The following VWF variants were observed in gnomAD, a reference collection of about 807,000 sequenced individuals.
The protein encoded by VWF is von Willebrand factor.
VWF carries 176 observed loss-of-function variants against 308.6 expected under a neutral mutation model. The observed-to-expected ratio is 0.57, with a 90% CI of 0.50 to 0.65. The LOEUF (loss-of-function observed/expected upper bound fraction) is 0.65. Ranked by LOEUF, VWF falls within the 30% of genes least tolerant of loss-of-function variation. The probability of loss-of-function intolerance (pLI) is 0.00; values close to 1 mark genes in which losing one functional copy is unlikely to be tolerated. For synonymous variants in VWF, 1,385 were observed against 1,443.4 expected (o/e 0.96, Z 0.92); for missense variants, 3,146 against 3,648.2 (o/e 0.86, Z 3.55).
intron 13 of VWF, among the ~76,000 whole-genome samples, chr12:6,062,460 G>T (rs571843663): frequency 7.0e-6 from 1 of 143,826 alleles, no homozygotes; most frequent in East Asian, 2.0e-4. Context: ...GCTATCCAGT[G>T]TGATTCCAGG....
In VWF at chr12:5,949,706, T is replaced by G. The variant is rs1158010495; in HGVS notation, c.8253+80A>C. 1.0e-5 allele frequency: 14 copies of G among 1,391,060 alleles called. No individual in the cohort carries two copies. In the Admixed American group the frequency reaches 1.0e-4, roughly 10 times the overall value. The allele number at this position is 1,391,060 out of a possible 1,614,324, so 86.2% of individuals were successfully genotyped here. A position where few individuals can be genotyped will look rare whatever the true frequency, so the allele number is the denominator to read the frequency against. On this transcript the variant is annotated intron_variant, in intron 51 of 51. Coordinates refer to ENST00000261405, the MANE Select transcript of VWF (RefSeq NM_000552.5). ...TCCCTGCGAATTTTCCAGATCCTTC[T>G]AGAATGTAACTAAGGATAGGTATCC...
rs1200021484 is a variant in VWF at position 5,984,964 on chromosome 12, G to C, written c.6976+81C>G. The C allele has an allele frequency of 1.4e-6, 2 of 1,439,522 alleles. No homozygotes were observed. Among genetic ancestry groups the C allele is most frequent in the Non-Finnish European group, 2.0e-6 (2 of 1,021,200 alleles). 89.2% of individuals were successfully genotyped at this position (1,439,522 alleles called of 1,614,324 possible). A position where few individuals can be genotyped will look rare whatever the true frequency, so the allele number is the denominator to read the frequency against. On this transcript the variant is annotated intron_variant, in intron 40 of 51. Transcript: ENST00000261405. ...CACACACCCTGTGCCTGAGAACAGA[G>C]ACACCTTTCAGCACCTTCAACGTGG...
chr12:6,008,273 A>C (rs567304983), intron 34 of VWF, among the ~76,000 whole-genome samples: 137 of 152,298 alleles, frequency 9.0e-4, no homozygotes, highest in Middle Eastern at 3.4e-3. Flanking sequence ...AATTCTCAAC[A>C]AAATGACAGC....
chr12:5,994,171 T>C lies in VWF; in HGVS notation c.6289A>G (p.Met2097Val), dbSNP rs1474078813. 1.2e-6 allele frequency: 2 copies of C among 1,614,116 alleles called. No individual in the cohort carries two copies. The highest frequency in any genetic ancestry group is 1.7e-6 in the Non-Finnish European group (2 of 1,180,030). ...GTGGTGACTGTGCCATCCCTCAGCA[T>C]GAAGTCATTGGCTCCGTTCTCATCA... is the stretch of plus-strand genomic sequence containing the variant. ...ICDENGANDF[M>V]LRDGTVTTDW... The change falls in exon 37 of 52, where the codon ATG becomes GTG. Residue 2097 changes from methionine (M) to valine (V), a missense_variant. Coordinates refer to ENST00000261405, the MANE Select transcript of VWF (RefSeq NM_000552.5).
rs1002720658 is a variant in VWF at position 6,072,343 on chromosome 12, T to C, written c.1097A>G (p.Asp366Gly). 1.9e-6 allele frequency: 3 copies of C among 1,613,930 alleles called. No individual in the cohort carries two copies. The highest frequency in any genetic ancestry group is 3.3e-5 in the Admixed American group (2 of 60,020). Residue 366 changes from aspartate to glycine, a missense_variant, in exon 9 of 52, where the codon GAC becomes GGC. Asp to Gly is a moderately conservative substitution (Grantham distance 94). Coordinates refer to ENST00000261405, the MANE Select transcript of VWF (RefSeq NM_000552.5). The part of the protein sequence containing the change: ...RYPPGTSLSR[D>G]CNTCICRNSQ... ...CAGCCCCCATTACCAGGTGTTGCAGTCTCGAGAGAGGGAGGTGCCGGGAGG... is the reference window on the plus strand; with the variant it reads ...CAGCCCCCATTACCAGGTGTTGCAGCCTCGAGAGAGGGAGGTGCCGGGAGG...
At position 6,060,222 on chromosome 12, in the gene VWF, A is replaced by G. The variant is rs1333654661; in HGVS notation, c.1534-2178T>C. Among the ~76,000 whole-genome samples, 2 of 151,774 alleles carry G rather than the reference A, an allele frequency of 1.3e-5. No individual in the cohort carries two copies. Among genetic ancestry groups the G allele is most frequent in the African/African-American group, 4.8e-5 (2 of 41,282 alleles). ...AAGCCTGTGCAAGGATCTTTTCCACACTGCTATGCCTAAGGCAGAGCTGGG... is the reference window on the plus strand; with the variant it reads ...AAGCCTGTGCAAGGATCTTTTCCACGCTGCTATGCCTAAGGCAGAGCTGGG... On this transcript the variant is annotated intron_variant, in intron 13 of 51. Coordinates refer to ENST00000261405, the MANE Select transcript of VWF (RefSeq NM_000552.5). The surrounding 1 kb of genome is among the most constrained non-coding windows in gnomAD (Gnocchi z 5.1).
At chr12:6,092,028 A>G (rs2239139) in intron 6 of VWF, among the ~76,000 whole-genome samples, 115,250 of 152,180 alleles carry the variant, frequency 0.76, 44,350 homozygotes, top group African/African-American at 0.91. Flanking sequence ...AGAGTGGCCC[A>G]TGCCCAGACA....
rs754245049 is a variant in VWF at position 5,968,119 on chromosome 12, C to T, written c.7770+8G>A. ...CCACTTGCTCTGGAGAAGAGGACAG[C>T]GGCTCACCCCAATGACAGTGCCATT... On this transcript the variant is annotated splice_region_variant and intron_variant, in intron 46 of 51. Coordinates refer to ENST00000261405, the MANE Select transcript of VWF (RefSeq NM_000552.5). 8 of 1,614,060 alleles carry T rather than the reference C, an allele frequency of 5.0e-6. No homozygotes were observed. The highest frequency in any genetic ancestry group is 4.0e-5 in the African/African-American group (3 of 75,052).
intron 40 of VWF, among the ~76,000 whole-genome samples, chr12:5,984,519 C>T (rs1943655965): frequency 6.6e-6 from 1 of 152,254 alleles, no homozygotes; most frequent in South Asian, 2.1e-4. Flanking sequence ...AAGCAATAAA[C>T]ACACTGGACA....
chr12:6,057,895 G>A lies in VWF; in HGVS notation c.1683C>T (p.Asp561=), dbSNP rs1944607026. The stretch of plus-strand genomic sequence containing the variant: ...AGGGATCGCTGTGCTGCTTCTGCAG[G>A]TCCTGGCAGTCCCCGTGCAGCTTCC... ...NAWKLHGDCQ[D]LQKQHSDPCA... is the part of the protein sequence containing the mutation. The change falls in exon 14 of 52, where the codon GAC becomes GAT. Residue 561 remains aspartate, a synonymous_variant. Transcript: ENST00000261405. The A allele has an allele frequency of 1.9e-6, 3 of 1,612,430 alleles. No homozygotes were observed. Among genetic ancestry groups the A allele is most frequent in the Admixed American group, 1.7e-5 (1 of 59,916 alleles).
intron 6 of VWF, among the ~76,000 whole-genome samples, chr12:6,077,831 G>A (rs1944863706): frequency 6.6e-6 from 1 of 151,894 alleles, no homozygotes; most frequent in Admixed American, 6.5e-5. Flanking sequence ...GACTGACAGA[G>A]GTGGGCAGGC....
chr12:6,025,503 G>A, intron 24 of VWF, 77 bp downstream of exon 24: 1 of 1,163,062 alleles, frequency 8.6e-7, no homozygotes, highest in African/African-American at 1.5e-5. Flanking sequence ...GTCCACGTTA[G>A]AAGGTCACAC....
chr12:6,121,767 C>T (rs902006155), intron 2 of VWF, among the ~76,000 whole-genome samples: 9 of 152,012 alleles, frequency 5.9e-5, no homozygotes, highest in Admixed American at 1.3e-4. Flanking sequence ...CCTGTCTCTA[C>T]TAAAAATACA....
Position 5,952,406 on chromosome 12 carries a change from CT to C in VWF, c.8099del (p.Lys2700SerfsTer10). Reference sequence around the variant, plus strand: ...GAGTACTCACTCCCTCAGCCAGACACTTGTGTTCATCAAAGGGTGGGCAGCC... The same window carrying C: ...GAGTACTCACTCCCTCAGCCAGACACTGTGTTCATCAAAGGGTGGGCAGCC... ...VTGCPPFDEHKCLAEGGKIMK... is the reference protein window; with the variant it reads ...VTGCPPFDEHXCLAEGGKIMK... On this transcript the variant is annotated frameshift_variant, in exon 49 of 52. Transcript: ENST00000261405. LOFTEE classifies it high-confidence loss of function. 1.2e-6 allele frequency: 2 copies of C among 1,614,056 alleles called. No individual in the cohort carries two copies. Among genetic ancestry groups the C allele is most frequent in the South Asian group, 1.1e-5 (1 of 91,088 alleles).
Position 6,011,710 on chromosome 12 carries a change from C to T in VWF, c.5749G>A (p.Val1917Ile). 1 of 1,613,898 alleles carries T rather than the reference C, an allele frequency of 6.2e-7. No individual in the cohort carries two copies. Among genetic ancestry groups the T allele is most frequent in the Non-Finnish European group, 8.5e-7 (1 of 1,179,852 alleles). Residue 1917 changes from valine to isoleucine, a missense_variant, in exon 34 of 52, where the codon GTC becomes ATC. This residue lies in a region of VWF where 853 missense variants were observed against 1,177.8 expected (regional missense o/e 0.72). Coordinates refer to ENST00000261405, the MANE Select transcript of VWF (RefSeq NM_000552.5). ...DGQTLLKSHR[V>I]NCDRGLRPSC... The stretch of plus-strand genomic sequence containing the variant: ...GGCCTCAGCCCCCGGTCACAGTTGA[C>T]CCGATGACTCTTCAGCAAGGTCTGG...
chr12:5,977,674 G>A (rs567507411), intron 42 of VWF, among the ~76,000 whole-genome samples: 159 of 151,934 alleles, frequency 1.0e-3, no homozygotes, highest in African/African-American at 3.3e-3. Flanking sequence ...GCTCCAGACC[G>A]GCATGGGTAA....
chr12:6,109,599 A>G (rs1945282335), intron 5 of VWF, among the ~76,000 whole-genome samples: 2 of 152,226 alleles, frequency 1.3e-5, no homozygotes, highest in South Asian at 4.1e-4. Context: ...GAACATCACT[A>G]ATTGAATGTT....
chr12:6,020,522 C>T lies in VWF; in HGVS notation c.3675-779G>A, dbSNP rs1430813006. ...TCTGTAGTAGAGCAGTGGCCCCCCA[C>T]ACACAAATTCCTACACTACCATGCC... On this transcript the variant is annotated intron_variant, in intron 27 of 51. Coordinates refer to ENST00000261405, the MANE Select transcript of VWF (RefSeq NM_000552.5). The surrounding 1 kb of genome is among the most constrained non-coding windows in gnomAD (Gnocchi z 4.3). Among the ~76,000 whole-genome samples the T allele has an allele frequency of 1.3e-5, 2 of 152,268 alleles. No homozygotes were observed. Among genetic ancestry groups the T allele is most frequent in the African/African-American group, 2.4e-5 (1 of 41,472 alleles).
At position 5,986,174 on chromosome 12, in the gene VWF, C is replaced by A. The variant is rs150603020; in HGVS notation, c.6799-509G>T. ...TTTTCAAATGGGAGACGGCCCAGGGCAGAGAGCAGCCTTCTCGAAGGTACA... is the reference window on the plus strand; with the variant it reads ...TTTTCAAATGGGAGACGGCCCAGGGAAGAGAGCAGCCTTCTCGAAGGTACA... On this transcript the variant is annotated intron_variant, in intron 38 of 51. Coordinates refer to ENST00000261405, the MANE Select transcript of VWF (RefSeq NM_000552.5). Among the ~76,000 whole-genome samples, 1,388 of 152,296 alleles carry A rather than the reference C, an allele frequency of 9.1e-3. 23 individuals are homozygous for A. The highest frequency in any genetic ancestry group is 0.032 in the African/African-American group (1,327 of 41,562).
Sources: allele counts gnomAD v4.1 joint callset (sites outside exome capture counted in the v4.1 genomes callset), GRCh38; gene constraint gnomAD v4.1.1; regional missense constraint gnomAD v4.1.1; non-coding constraint Gnocchi (gnomAD v3.1); transcripts MANE v1.5; gene names NCBI Gene and HGNC (gene_info 2026-07-23, HGNC 2026-07-21).